The following KCTD8 variants were observed in gnomAD, a reference collection of about 807,000 sequenced individuals.
The protein encoded by KCTD8 is BTB/POZ domain-containing protein KCTD8.
In KCTD8, 27 loss-of-function variants were observed where a neutral mutation model predicts 31.5. That is an observed-to-expected ratio of 0.86 (90% CI 0.63 to 1.18). KCTD8 has a LOEUF of 1.18. Among genes scored for constraint, KCTD8 ranks in the 50% most tolerant of loss-of-function variants. The pLI, the probability that KCTD8 is intolerant of heterozygous loss-of-function variation, is 0.00. For missense variants in KCTD8, 658 were observed against 647.7 expected, an observed-to-expected ratio of 1.02 and a Z score of -0.17; for synonymous variants, 290 against 280.0, an observed-to-expected ratio of 1.04 and a Z score of -0.36.
At chr4:44,199,068 T>TA (rs1560392670) in intron 1 of KCTD8, among the ~76,000 whole-genome samples, 1 of 151,882 alleles carries the variant, frequency 6.6e-6, no homozygotes, top group Admixed American at 6.6e-5. Flanking sequence ...CATTATATAA[T>TA]AAAAAAAGGT....
intron 1 of KCTD8, among the ~76,000 whole-genome samples, chr4:44,249,290 G>A (rs1322892416): frequency 6.6e-6 from 1 of 151,586 alleles, no homozygotes; most frequent in African/African-American, 2.4e-5. Context: ...AGAAATTGGA[G>A]GTTAACAAGT....
At chr4:44,181,456 T>C (rs370470374) in intron 1 of KCTD8, among the ~76,000 whole-genome samples, 1 of 152,154 alleles carries the variant, frequency 6.6e-6, no homozygotes, top group East Asian at 1.9e-4. Flanking sequence ...CTGTGTTGGC[T>C]GGGCTGGTCT....
intron 1 of KCTD8, among the ~76,000 whole-genome samples, chr4:44,440,938 A>G (rs1283766542): frequency 6.6e-6 from 1 of 152,242 alleles, no homozygotes; most frequent in East Asian, 1.9e-4. Context: ...GAATAAACTT[A>G]TAAATGATAT....
chr4:44,329,892 G>A (rs2109411662), intron 1 of KCTD8, among the ~76,000 whole-genome samples: 1 of 151,972 alleles, frequency 6.6e-6, no homozygotes, highest in South Asian at 2.1e-4. Context: ...GTAGACAACA[G>A]TAAATGTAAC....
chr4:44,176,010 C>T (rs1713204263), intron 1 of KCTD8, among the ~76,000 whole-genome samples: 1 of 152,138 alleles, frequency 6.6e-6, no homozygotes, highest in Non-Finnish European at 1.5e-5. Flanking sequence ...TTCAAATTCA[C>T]AGTGTGTTTC....
intron 1 of KCTD8, among the ~76,000 whole-genome samples, chr4:44,342,039 C>T (rs960163758): frequency 2.0e-5 from 3 of 152,112 alleles, no homozygotes; most frequent in Admixed American, 6.6e-5. Context: ...CATCGGAGTT[C>T]TTGGGTGACC....
chr4:44,230,257 GGTAAA>G (rs1469103808), intron 1 of KCTD8, among the ~76,000 whole-genome samples: 1 of 152,096 alleles, frequency 6.6e-6, no homozygotes, highest in Non-Finnish European at 1.5e-5. Context: ...AGATATGGAA[GGTAAA>G]GTATTCATTC....
chr4:44,441,071 C>T (rs772364994), intron 1 of KCTD8, among the ~76,000 whole-genome samples: 4 of 152,112 alleles, frequency 2.6e-5, no homozygotes, highest in Non-Finnish European at 5.9e-5. Flanking sequence ...AATAATGAGA[C>T]ATATATGGCT....
intron 1 of KCTD8, among the ~76,000 whole-genome samples, chr4:44,353,437 A>G (rs542260739): frequency 2.0e-5 from 3 of 152,202 alleles, no homozygotes; most frequent in South Asian, 2.1e-4. Context: ...TAATTAATGT[A>G]TCCAGCATCT....
intron 1 of KCTD8, among the ~76,000 whole-genome samples, chr4:44,362,966 A>G (rs1250201455): frequency 6.6e-6 from 1 of 152,078 alleles, no homozygotes; most frequent in Non-Finnish European, 1.5e-5. Context: ...ACGTGGGTTA[A>G]AACAGCCTAG....
intron 1 of KCTD8, among the ~76,000 whole-genome samples, chr4:44,190,546 A>T (rs1159882122): frequency 6.6e-6 from 1 of 152,208 alleles, no homozygotes; most frequent in Non-Finnish European, 1.5e-5. Flanking sequence ...GACTTGGCCA[A>T]TCATAATGCC....
chr4:44,235,578 T>TATAG (rs1553895183), intron 1 of KCTD8, among the ~76,000 whole-genome samples: 7 of 64,106 alleles, frequency 1.1e-4, no homozygotes, highest in South Asian at 6.3e-4. Flanking sequence ...TATATATATT[T>TATAG]AGAGAGAGAG....
chr4:44,384,762 G>C (rs1720163477), intron 1 of KCTD8, among the ~76,000 whole-genome samples: 1 of 151,684 alleles, frequency 6.6e-6, no homozygotes, highest in Non-Finnish European at 1.5e-5. Context: ...TTTCTTGTAT[G>C]TTTTCAAATA....
intron 1 of KCTD8, among the ~76,000 whole-genome samples, chr4:44,200,365 T>C (rs1276675369): frequency 1.3e-5 from 2 of 150,798 alleles, no homozygotes; most frequent in Non-Finnish European, 1.5e-5. Flanking sequence ...AAAAAAAAAC[T>C]ACAGGCCAAT....
intron 1 of KCTD8, among the ~76,000 whole-genome samples, chr4:44,396,393 G>A (rs1720504972): frequency 6.6e-6 from 1 of 151,958 alleles, no homozygotes; most frequent in South Asian, 2.1e-4. Context: ...GGGGTTTGGG[G>A]ACCACTGCAC....
At chr4:44,372,092 C>T (rs1719803037) in intron 1 of KCTD8, among the ~76,000 whole-genome samples, 2 of 152,134 alleles carry the variant, frequency 1.3e-5, no homozygotes, top group Admixed American at 6.5e-5. Context: ...TTATTCCCTA[C>T]TAGAAAATAT....
chr4:44,281,779 C>T (rs1272205834), intron 1 of KCTD8, among the ~76,000 whole-genome samples: 1 of 152,068 alleles, frequency 6.6e-6, no homozygotes, highest in Non-Finnish European at 1.5e-5. Context: ...TGGTATTAAA[C>T]ACTATCAATA....
chr4:44,283,861 T>G (rs938028289), intron 1 of KCTD8, among the ~76,000 whole-genome samples: 1 of 152,044 alleles, frequency 6.6e-6, no homozygotes, highest in African/African-American at 2.4e-5. Flanking sequence ...AAATCATGAG[T>G]GAACTCCCAT....
At chr4:44,330,349 T>C (rs959059032) in intron 1 of KCTD8, among the ~76,000 whole-genome samples, 1 of 151,976 alleles carries the variant, frequency 6.6e-6, no homozygotes. Context: ...TAGATAGTAC[T>C]AATGTTTTAT....
Sources: gnomAD v4.1 joint callset for allele counts (sites outside exome capture counted in the v4.1 genomes callset) on GRCh38, gnomAD v4.1.1 for gene constraint, MANE v1.5 for transcripts, NCBI Gene and HGNC (gene_info 2026-07-23, HGNC 2026-07-21) for gene names.